Variants in UNC5D observed in about 807,000 individuals in gnomAD.
UNC5D encodes the protein netrin receptor UNC5D.
In UNC5D, 39 loss-of-function variants were observed where a neutral mutation model predicts 105.4. The ratio of observed to expected loss-of-function variants is 0.37; its 90% confidence interval spans 0.29 to 0.48. The LOEUF (loss-of-function observed/expected upper bound fraction) is 0.48. UNC5D is among the 20% of genes least tolerant of loss of function. The pLI is 0.98. For synonymous variants in UNC5D, 452 were observed against 450.4 expected, an observed-to-expected ratio of 1.00 and a Z score of -0.04; for missense variants, 991 against 1,202.4, an observed-to-expected ratio of 0.82 and a Z score of 2.60.
At chr8:35,404,880 G>T (rs988579702) in intron 1 of UNC5D, among the ~76,000 whole-genome samples, 11 of 152,188 alleles carry the variant, frequency 7.2e-5, no homozygotes, top group Admixed American at 2.0e-4. Flanking sequence ...GTGAGCCACC[G>T]CGCCTGGGTC....
chr8:35,393,958 T>TCTTCCCTTTCTTCTC (rs1324600125), intron 1 of UNC5D, among the ~76,000 whole-genome samples: 1 of 152,162 alleles, frequency 6.6e-6, no homozygotes, highest in Non-Finnish European at 1.5e-5. Context: ...TTTTTTCTCT[T>TCTTCCCTTTCTTCTC]CTTCCCTTTC....
chr8:35,588,930 C>A (rs758009399), intron 3 of UNC5D, among the ~76,000 whole-genome samples: 15 of 151,992 alleles, frequency 9.9e-5, no homozygotes, highest in Non-Finnish European at 2.2e-4. Flanking sequence ...GTAATCCCAG[C>A]TACTCAGGAG....
chr8:35,361,495 G>A (rs866906766), intron 1 of UNC5D, among the ~76,000 whole-genome samples: 6 of 152,142 alleles, frequency 3.9e-5, no homozygotes, highest in South Asian at 4.2e-4. Flanking sequence ...TCTTATCTCA[G>A]AGACCATCAG....
At position 35,371,499 on chromosome 8, in the gene UNC5D, G is replaced by A. The variant is rs118077774; in HGVS notation, c.103+135612G>A. On this transcript the variant is annotated intron_variant, in intron 1 of 16. Coordinates refer to ENST00000404895, the MANE Select transcript of UNC5D (RefSeq NM_080872.4). ...ATGTTAGAGACATGCAAAACTCATAGAGAATTATGACTAGATATCAAGCCT... is the reference window on the plus strand; with the variant it reads ...ATGTTAGAGACATGCAAAACTCATAAAGAATTATGACTAGATATCAAGCCT... 2.9e-3 allele frequency among the ~76,000 whole-genome samples: 440 copies of A among 152,254 alleles called. 4 individuals are homozygous for A. Among genetic ancestry groups the A allele is most frequent in the Non-Finnish European group, 5.4e-3 (364 of 68,014 alleles).
In UNC5D at chr8:35,412,604, T is replaced by C. The variant is rs193268275; in HGVS notation, c.104-136688T>C. 1.4e-3 allele frequency among the ~76,000 whole-genome samples: 220 copies of C among 152,186 alleles called. 2 individuals are homozygous for C. The highest frequency in any genetic ancestry group is 0.012 in the Admixed American group (188 of 15,266). On this transcript the variant is annotated intron_variant, in intron 1 of 16. Transcript: ENST00000404895. ...TATTATCTTTAATATGATAAAAGTG[T>C]CATCTTCCCTTTAGAAATGGAAATC... is the stretch of plus-strand genomic sequence containing the variant.
intron 1 of UNC5D, among the ~76,000 whole-genome samples, chr8:35,261,786 G>C (rs1393683946): frequency 1.3e-5 from 2 of 152,172 alleles, no homozygotes; most frequent in Non-Finnish European, 2.9e-5. Context: ...ATTTCCTTGA[G>C]TTTTATAACA....
At chr8:35,367,359 A>G (rs1264691905) in intron 1 of UNC5D, among the ~76,000 whole-genome samples, 1 of 152,068 alleles carries the variant, frequency 6.6e-6, no homozygotes, top group Admixed American at 6.6e-5. Context: ...TCAATTTATT[A>G]TTTCCTGTCT....
At chr8:35,633,158 G>T (rs1276194685) in intron 4 of UNC5D, among the ~76,000 whole-genome samples, 2 of 152,138 alleles carry the variant, frequency 1.3e-5, no homozygotes, top group African/African-American at 4.8e-5. Context: ...AATATTTCAG[G>T]GCTCCTTGAC....
At chr8:35,747,436 T>C (rs1397246324) in intron 11 of UNC5D, among the ~76,000 whole-genome samples, 1 of 152,198 alleles carries the variant, frequency 6.6e-6, no homozygotes, top group Non-Finnish European at 1.5e-5. Flanking sequence ...CCCAACGGGT[T>C]GCTTTTTTGG....
chr8:35,296,662 C>A (rs1003005772), intron 1 of UNC5D, among the ~76,000 whole-genome samples: 4 of 152,204 alleles, frequency 2.6e-5, no homozygotes, highest in African/African-American at 9.7e-5. Flanking sequence ...CTCAAGTGGT[C>A]CACCTGCCTT....
At chr8:35,686,279 C>A (rs1363330410) in intron 6 of UNC5D, among the ~76,000 whole-genome samples, 1 of 152,088 alleles carries the variant, frequency 6.6e-6, no homozygotes, top group African/African-American at 2.4e-5. Context: ...TTTTAGCTGA[C>A]CCAGTGGTGC....
chr8:35,569,819 C>A (rs1483301321), intron 3 of UNC5D, among the ~76,000 whole-genome samples: 1 of 152,162 alleles, frequency 6.6e-6, no homozygotes. Context: ...AATTTCAAGG[C>A]TCTATCTGCA....
intron 2 of UNC5D, among the ~76,000 whole-genome samples, chr8:35,557,258 G>A (rs547948615): frequency 6.6e-6 from 1 of 152,308 alleles, no homozygotes; most frequent in Admixed American, 6.5e-5. Context: ...TTGTGTGGAA[G>A]AAACTGGAGA....
At chr8:35,688,971 C>T (rs1415105966) in intron 7 of UNC5D, among the ~76,000 whole-genome samples, 1 of 152,196 alleles carries the variant, frequency 6.6e-6, no homozygotes. Context: ...TATGTGTCAA[C>T]CTGACTGAGC....
At chr8:35,466,413 G>A (rs1198847279) in intron 1 of UNC5D, among the ~76,000 whole-genome samples, 1 of 152,078 alleles carries the variant, frequency 6.6e-6, no homozygotes, top group African/African-American at 2.4e-5. Context: ...GAGTGTCCAG[G>A]AAGTAGGATT....
chr8:35,442,647 G>C (rs1807482731), intron 1 of UNC5D, among the ~76,000 whole-genome samples: 1 of 151,776 alleles, frequency 6.6e-6, no homozygotes, highest in Non-Finnish European at 1.5e-5. Flanking sequence ...GCCAATCCAA[G>C]GAATTCAAGC....
Position 35,271,713 on chromosome 8 carries a change from T to TATACAGGTATACATTTATACATATATATG in UNC5D, c.103+35826_103+35827insATACAGGTATACATTTATACATATATATG, listed in dbSNP as rs1563268302. ...CATGTATACATGTATACATATATAT[T>TATACAGGTATACATTTATACATATATATG]TATACATGTATACATGTATACATAT... is the stretch of plus-strand genomic sequence containing the variant. On this transcript the variant is annotated intron_variant, in intron 1 of 16. Transcript: ENST00000404895. Among the ~76,000 whole-genome samples, 6 of 85,392 alleles carry TATACAGGTATACATTTATACATATATATG rather than the reference T, an allele frequency of 7.0e-5. 1 individual carries two copies. Among genetic ancestry groups the TATACAGGTATACATTTATACATATATATG allele is most frequent in the Non-Finnish European group, 1.4e-4 (6 of 43,764 alleles). 56.0% of individuals were successfully genotyped at this position (85,392 alleles called of 152,430 possible).
At chr8:35,455,467 C>T (rs115151258) in intron 1 of UNC5D, among the ~76,000 whole-genome samples, 2,605 of 151,654 alleles carry the variant, frequency 0.017, 84 homozygotes, top group African/African-American at 0.059. Flanking sequence ...TTAGTAGAGA[C>T]GGGGTTTTGC....
At chr8:35,366,786 C>T (rs990833562) in intron 1 of UNC5D, among the ~76,000 whole-genome samples, 6 of 151,884 alleles carry the variant, frequency 4.0e-5, no homozygotes, top group Admixed American at 2.0e-4. Flanking sequence ...TTTAAAAAAT[C>T]AGGGTTATTG....
Sources: allele counts gnomAD v4.1 joint callset (sites outside exome capture counted in the v4.1 genomes callset), GRCh38; gene constraint gnomAD v4.1.1; transcripts MANE v1.5; gene names NCBI Gene and HGNC (gene_info 2026-07-23, HGNC 2026-07-21).